Variants in SYNGR1 observed in about 807,000 individuals in gnomAD.
SYNGR1 encodes synaptogyrin-1.
SYNGR1 carries 14 observed loss-of-function variants against 26.1 expected under a neutral mutation model. The observed-to-expected ratio is 0.54, with a 90% confidence interval of 0.35 to 0.84. SYNGR1 has a LOEUF of 0.84. SYNGR1 is among the 40% of genes least tolerant of loss of function. The pLI, the probability that SYNGR1 is intolerant of heterozygous loss-of-function variation, is 0.01. For synonymous variants in SYNGR1, 141 were observed against 150.1 expected (o/e 0.94, Z 0.44); for missense variants, 319 against 332.9 (o/e 0.96, Z 0.33).
In SYNGR1 at chr22:39,362,723, C is replaced by T. The variant is rs146419097; in HGVS notation, c.100-11593C>T. On this transcript the variant is annotated intron_variant, in intron 1 of 3. Transcript: ENST00000328933. Reference sequence around the variant, plus strand: ...GGGTTCAGCTTGTGGGGAGAGGGCTCGGCAGCCCCCTTTTCAGGGAGTGAG... The same window carrying T: ...GGGTTCAGCTTGTGGGGAGAGGGCTTGGCAGCCCCCTTTTCAGGGAGTGAG... Among the ~76,000 whole-genome samples the T allele has an allele frequency of 4.2e-3, 635 of 152,172 alleles. 3 individuals are homozygous for T. The highest frequency in any genetic ancestry group is 7.3e-3 in the Non-Finnish European group (499 of 67,988).
In SYNGR1 at chr22:39,378,145, A is replaced by T. The variant is rs1925372387; in HGVS notation, c.483+1948A>T. 17 of 1,144,426 alleles carry T rather than the reference A, an allele frequency of 1.5e-5. No homozygotes were observed. In the South Asian group the frequency reaches 2.9e-4, roughly 19 times the overall value. The allele number at this position is 1,144,426 out of a possible 1,614,324, so 70.9% of individuals were successfully genotyped here. On this transcript the variant is annotated intron_variant, in intron 3 of 3. Coordinates refer to ENST00000328933, the MANE Select transcript of SYNGR1 (RefSeq NM_004711.5). ...TCACAGCGGTGTGAAGAGTGACCTC[A>T]CTGTCCTTAGGGTTAGCATCCTGGC... is the stretch of plus-strand genomic sequence containing the variant.
intron 1 of SYNGR1, among the ~76,000 whole-genome samples, chr22:39,367,224 A>C (rs1411832851): frequency 6.6e-6 from 1 of 152,184 alleles, no homozygotes; most frequent in Non-Finnish European, 1.5e-5. Context: ...GCTGGTACAT[A>C]CTAGGTGCTC....
intron 1 of SYNGR1, among the ~76,000 whole-genome samples, chr22:39,353,503 A>G (rs893939820): frequency 6.6e-6 from 1 of 152,198 alleles, no homozygotes; most frequent in African/African-American, 2.4e-5. Context: ...CTCTTGACTA[A>G]GGCTTTCTCA....
At chr22:39,355,644 A>G (rs1924113069) in intron 1 of SYNGR1, among the ~76,000 whole-genome samples, 4 of 152,092 alleles carry the variant, frequency 2.6e-5, no homozygotes, top group Admixed American at 2.6e-4. Flanking sequence ...GAAAACCCCT[A>G]CCTCTTTCAG....
intron 1 of SYNGR1, among the ~76,000 whole-genome samples, chr22:39,371,488 A>G (rs971158095): frequency 2.3e-4 from 35 of 151,516 alleles, no homozygotes; most frequent in African/African-American, 7.8e-4. Flanking sequence ...AAAAAAAAAA[A>G]AAAAGAAATT....
intron 1 of SYNGR1, among the ~76,000 whole-genome samples, chr22:39,366,916 C>T (rs567392664): frequency 1.2e-4 from 18 of 152,362 alleles, no homozygotes; most frequent in Admixed American, 9.2e-4. Context: ...TCGCCAGCCT[C>T]GCCTCTTGGT....
intron 1 of SYNGR1, among the ~76,000 whole-genome samples, chr22:39,358,313 C>T (rs1396032479): frequency 6.6e-6 from 1 of 152,248 alleles, no homozygotes; most frequent in Non-Finnish European, 1.5e-5. Context: ...TCAAAACAGG[C>T]CACTCGGCTC....
intron 3 of SYNGR1, chr22:39,377,636 C>T: frequency 6.2e-7 from 1 of 1,614,054 alleles, no homozygotes; most frequent in Non-Finnish European, 8.5e-7. Flanking sequence ...GATTCAAGGA[C>T]CTAAGCTTCC....
chr22:39,377,042 C>G (rs951195752), intron 3 of SYNGR1: 5 of 1,550,906 alleles, frequency 3.2e-6, no homozygotes, highest in Admixed American at 2.0e-5. Context: ...ACCTCCATAG[C>G]CCCATCCCAA....
intron 1 of SYNGR1, among the ~76,000 whole-genome samples, chr22:39,361,960 G>A (rs1235188998): frequency 2.0e-5 from 3 of 151,848 alleles, no homozygotes; most frequent in African/African-American, 7.3e-5. Context: ...CTGAGAGTAA[G>A]GCCCTGGGCC....
intron 3 of SYNGR1, chr22:39,379,776 G>A (rs1416396478): frequency 6.6e-6 from 1 of 152,218 alleles, no homozygotes; most frequent in African/African-American, 2.4e-5. Context: ...CCTCGTCAGG[G>A]GCCAGTGAAA....
Position 39,361,697 on chromosome 22 carries a change from A to G in SYNGR1, c.99+11588A>G, listed in dbSNP as rs113027310. Among the ~76,000 whole-genome samples, 331 of 151,768 alleles carry G rather than the reference A, an allele frequency of 2.2e-3. 2 individuals are homozygous for G. The highest frequency in any genetic ancestry group is 7.7e-3 in the African/African-American group (320 of 41,386). ...CTTATCAACTGAGAGACCTCACAGA[A>G]CCTCAGTGGCCGCATCTATAAAATG... On this transcript the variant is annotated intron_variant, in intron 1 of 3. Transcript: ENST00000328933.
At chr22:39,373,835 G>T (rs2145628170) in intron 1 of SYNGR1, among the ~76,000 whole-genome samples, 1 of 152,278 alleles carries the variant, frequency 6.6e-6, no homozygotes, top group Non-Finnish European at 1.5e-5. Flanking sequence ...CTGGGTAGGG[G>T]CCTGAGACCC....
At chr22:39,354,725 G>C (rs1924068264) in intron 1 of SYNGR1, among the ~76,000 whole-genome samples, 1 of 152,042 alleles carries the variant, frequency 6.6e-6, no homozygotes, top group African/African-American at 2.4e-5. Flanking sequence ...TGTTATCCCA[G>C]CTACTCAGGA....
intron 1 of SYNGR1, among the ~76,000 whole-genome samples, chr22:39,352,493 T>TG (rs1169432500): frequency 1.3e-5 from 2 of 152,128 alleles, no homozygotes; most frequent in African/African-American, 2.4e-5. Context: ...AAAAGTTTGG[T>TG]GGGGGGTGGT....
intron 3 of SYNGR1, chr22:39,377,470 G>A: frequency 6.5e-7 from 1 of 1,531,276 alleles, no homozygotes; most frequent in Non-Finnish European, 8.8e-7. Flanking sequence ...AGGAGTAGTG[G>A]ATGATTTCTA....
At chr22:39,353,202 T>G (rs1010924437) in intron 1 of SYNGR1, among the ~76,000 whole-genome samples, 1 of 152,136 alleles carries the variant, frequency 6.6e-6, no homozygotes, top group Non-Finnish European at 1.5e-5. Context: ...AGAAAGATTT[T>G]TTTTTCTGTT....
intron 3 of SYNGR1, chr22:39,377,242 G>T (rs1925324307): frequency 1.0e-6 from 1 of 985,214 alleles, no homozygotes; most frequent in Non-Finnish European, 1.2e-6. Flanking sequence ...TTTTTGAGGG[G>T]TACACCCATC....
At chr22:39,376,223 C>T (rs1420301393) in intron 3 of SYNGR1, 26 bp downstream of exon 3, 2 of 1,613,868 alleles carry the variant, frequency 1.2e-6, no homozygotes, top group Non-Finnish European at 1.7e-6. Flanking sequence ...GCGCACCAGC[C>T]CACACTCGTC....
Sources: allele counts gnomAD v4.1 joint callset (sites outside exome capture counted in the v4.1 genomes callset), GRCh38; gene constraint gnomAD v4.1.1; transcripts MANE v1.5; gene names NCBI Gene and HGNC (gene_info 2026-07-23, HGNC 2026-07-21).